The following ABI2 variants were observed in gnomAD, a reference collection of about 807,000 sequenced individuals.
The protein encoded by ABI2 is abelson interactor 2.
A neutral mutation model predicts 59.2 loss-of-function variants in ABI2; 25 were observed. That is an observed-to-expected ratio of 0.42 (90% CI 0.31 to 0.59). ABI2 has a LOEUF of 0.59. ABI2 is among the 20% of genes least tolerant of loss of function. The pLI is 0.14. For synonymous variants in ABI2, 213 were observed against 235.5 expected (o/e 0.90, Z 0.87); for missense variants, 545 against 681.8 (o/e 0.80, Z 2.23).
At chr2:203,400,346 C>A (rs2097173427) in intron 8 of ABI2, among the ~76,000 whole-genome samples, 2 of 152,048 alleles carry the variant, frequency 1.3e-5, no homozygotes, top group African/African-American at 4.8e-5. Context: ...GCCTCCACCT[C>A]CCATAGTACT....
chr2:203,386,537 A>G, intron 4 of ABI2: 1 of 729,850 alleles, frequency 1.4e-6, no homozygotes, highest in Non-Finnish European at 1.7e-6. Flanking sequence ...ATTATTAGGG[A>G]AGTTTCATAG....
In ABI2 at chr2:203,350,535, C is replaced by G. The variant is rs571562630; in HGVS notation, c.118-16342C>G. ...TGGTTACTATTTTTTCTTTTTCTTT[C>G]TTTTCTTTTTTTTTTTTTTTTAAAG... On this transcript the variant is annotated intron_variant, in intron 1 of 11. Coordinates refer to ENST00000261018, the MANE Select transcript of ABI2 (RefSeq NM_001375670.1). Among the ~76,000 whole-genome samples the G allele has an allele frequency of 2.0e-4, 30 of 148,918 alleles. No homozygotes were observed. In the East Asian group the frequency reaches 5.9e-3, roughly 29 times the overall value.
chr2:203,347,053 A>C (rs1386310169), intron 1 of ABI2, among the ~76,000 whole-genome samples: 1 of 152,202 alleles, frequency 6.6e-6, no homozygotes, highest in Non-Finnish European at 1.5e-5. Context: ...CATATAATAG[A>C]GTTTGAAACT....
chr2:203,354,535 C>G (rs965535806), intron 1 of ABI2, among the ~76,000 whole-genome samples: 1 of 152,046 alleles, frequency 6.6e-6, no homozygotes, highest in Non-Finnish European at 1.5e-5. Context: ...GAATTTTTAC[C>G]CTGTCTGGAA....
intron 2 of ABI2, among the ~76,000 whole-genome samples, chr2:203,370,891 C>T (rs935932829): frequency 2.6e-5 from 4 of 152,204 alleles, no homozygotes; most frequent in Non-Finnish European, 4.4e-5. Context: ...AGTTTCTTTT[C>T]CCATTAGTAT....
Position 203,417,049 on chromosome 2 carries a change from C to G in ABI2, c.1421C>G (p.Pro474Arg). The G allele has an allele frequency of 6.2e-7, 1 of 1,612,246 alleles. No individual in the cohort carries two copies. Among genetic ancestry groups the G allele is most frequent in the South Asian group, 1.1e-5 (1 of 90,560 alleles). Residue 474 changes from proline to arginine, a missense_variant, in exon 11 of 12, where the codon CCA (proline) becomes CGA (arginine). Physicochemically the swap from Pro to Arg is moderately radical, Grantham distance 103. Around this residue, in one of 4 missense-constraint regions of ABI2, gnomAD observed 44 missense variants for 106.4 expected, o/e 0.41. Transcript: ENST00000261018. The part of the protein sequence containing the change: ...EYSDPYAEED[P>R]PWAPRSYLEK... Reference sequence around the variant, plus strand: ...AGTGATCCTTATGCTGAAGAGGACCCACCGTGGGCTCCACGTTCTTACTTG... The same window carrying G: ...AGTGATCCTTATGCTGAAGAGGACCGACCGTGGGCTCCACGTTCTTACTTG...
chr2:203,363,727 G>C (rs765508716), intron 1 of ABI2, among the ~76,000 whole-genome samples: 36 of 152,042 alleles, frequency 2.4e-4, no homozygotes, highest in Non-Finnish European at 7.4e-5. Context: ...TTTTATGGCC[G>C]AATAGTACTC....
Position 203,395,671 on chromosome 2 carries a change from T to C in ABI2, c.741T>C (p.Ser247=). The C allele has an allele frequency of 6.2e-7, 1 of 1,611,846 alleles. No individual in the cohort carries two copies. The highest frequency in any genetic ancestry group is 8.5e-7 in the Non-Finnish European group (1 of 1,179,042). The stretch of plus-strand genomic sequence containing the variant: ...ATTTCTTTAGCAGCAGTGGGAGTAG[T>C]GGAGGGAGCCACCCAAGTAGTCGGA... The part of the protein sequence containing the change: ...RNRTYSSSGS[S]GGSHPSSRSS... The change falls in exon 7 of 12, where the codon AGT becomes AGC. Residue 247 remains serine (S), a synonymous_variant. Transcript: ENST00000261018.
intron 9 of ABI2, among the ~76,000 whole-genome samples, chr2:203,410,805 G>C (rs2097638898): frequency 6.6e-6 from 1 of 151,918 alleles, no homozygotes. Flanking sequence ...TTAGAGTGTT[G>C]GGATGTAATA....
At chr2:203,390,508 T>C (rs1183424471) in intron 4 of ABI2, among the ~76,000 whole-genome samples, 2 of 152,116 alleles carry the variant, frequency 1.3e-5, no homozygotes, top group Non-Finnish European at 2.9e-5. Context: ...GGCATGCACC[T>C]GTAGTACCAG....
At chr2:203,381,395 G>C (rs1280348369) in intron 3 of ABI2, among the ~76,000 whole-genome samples, 1 of 152,122 alleles carries the variant, frequency 6.6e-6, no homozygotes, top group African/African-American at 2.4e-5. Flanking sequence ...TCCCTTGTCA[G>C]CTTCCCTGGG....
chr2:203,402,661 C>G lies in ABI2; in HGVS notation c.1119C>G (p.Arg373=), dbSNP rs1247104803. 1.2e-6 allele frequency: 2 copies of G among 1,606,676 alleles called. No homozygotes were observed. Among genetic ancestry groups the G allele is most frequent in the Non-Finnish European group, 1.7e-6 (2 of 1,177,468 alleles). Residue 373 remains arginine (R), a synonymous_variant, in exon 9 of 12, where the codon CGC becomes CGG. Transcript: ENST00000261018. ...TAGGGGGCTCGTTGCCCTATAGACGCCCTCCTTCCATTACTTCACAAACAA... is the reference window on the plus strand; with the variant it reads ...TAGGGGGCTCGTTGCCCTATAGACGGCCTCCTTCCATTACTTCACAAACAA... ...PTIGGSLPYR[R]PPSITSQTSL... is the part of the protein sequence containing the mutation.
chr2:203,329,449 C>T (rs1245945682), intron 1 of ABI2, among the ~76,000 whole-genome samples: 1 of 149,910 alleles, frequency 6.7e-6, no homozygotes, highest in Non-Finnish European at 1.5e-5. Context: ...GTATGAGATC[C>T]AGCTGCTCCT....
intron 11 of ABI2, among the ~76,000 whole-genome samples, chr2:203,420,253 G>T (rs952177291): frequency 2.9e-4 from 44 of 152,062 alleles, no homozygotes; most frequent in African/African-American, 1.0e-3. Context: ...CTTTTTTACT[G>T]CCCGTTTTGT....
At chr2:203,388,747 A>AT (rs201293538) in intron 4 of ABI2, among the ~76,000 whole-genome samples, 7 of 151,494 alleles carry the variant, frequency 4.6e-5, no homozygotes, top group Admixed American at 2.6e-4. Context: ...ATTTTATGCT[A>AT]TTTTTTTTGG....
chr2:203,336,250 G>A lies in ABI2; in HGVS notation c.117+7619G>A, dbSNP rs149403644. On this transcript the variant is annotated intron_variant, in intron 1 of 11. Coordinates refer to ENST00000261018, the MANE Select transcript of ABI2 (RefSeq NM_001375670.1). ...CTAGTTTTAGGCAGTGGTGAATATG[G>A]CTGTAAACATTTGTATACAGGTGTT... Among the ~76,000 whole-genome samples the A allele has an allele frequency of 5.5e-3, 831 of 152,306 alleles. 10 individuals carry two copies. Among genetic ancestry groups the A allele is most frequent in the African/African-American group, 0.019 (773 of 41,562 alleles).
chr2:203,367,305 C>A, intron 2 of ABI2: 2 of 269,294 alleles, frequency 7.4e-6, no homozygotes, highest in Non-Finnish European at 1.3e-5. Flanking sequence ...TATAATGAAA[C>A]TTCATCCATT....
intron 1 of ABI2, among the ~76,000 whole-genome samples, chr2:203,364,039 T>C (rs1312117929): frequency 1.3e-5 from 2 of 151,678 alleles, no homozygotes; most frequent in East Asian, 1.9e-4. Flanking sequence ...GCTGGAATTA[T>C]AGGCGTGAGC....
chr2:203,339,901 CT>C (rs774144219), intron 1 of ABI2, among the ~76,000 whole-genome samples: 52 of 152,302 alleles, frequency 3.4e-4, no homozygotes, highest in Middle Eastern at 3.4e-3. Context: ...TGCAGTCACC[CT>C]TGTGGAACGC....
Sources: gnomAD v4.1 joint callset for allele counts (sites outside exome capture counted in the v4.1 genomes callset) on GRCh38, gnomAD v4.1.1 for gene constraint, gnomAD v4.1.1 regional missense constraint, MANE v1.5 for transcripts, NCBI Gene and HGNC (gene_info 2026-07-23, HGNC 2026-07-21) for gene names.